SLC26A8: variants seen among roughly 807,000 people sequenced by gnomAD.
SLC26A8 encodes the protein testis anion transporter 1.
SLC26A8 carries 70 observed loss-of-function variants against 105.0 expected under a neutral mutation model. That is an observed-to-expected ratio of 0.67 (90% CI 0.55 to 0.81). SLC26A8 has a LOEUF of 0.81. SLC26A8 is among the 40% of genes least tolerant of loss of function. The pLI, the probability that SLC26A8 is intolerant of heterozygous loss-of-function variation, is 0.00. For missense variants in SLC26A8, 998 were observed against 1,181.8 expected (o/e 0.84, Z 2.28); for synonymous variants, 415 against 438.3 (o/e 0.95, Z 0.66).
chr6:36,010,881 A>G (rs1761837687), intron 3 of SLC26A8, among the ~76,000 whole-genome samples: 1 of 152,166 alleles, frequency 6.6e-6, no homozygotes. Context: ...AAAGGGGAAA[A>G]AAAGCGCCAA....
intron 10 of SLC26A8, among the ~76,000 whole-genome samples, chr6:35,973,136 T>C (rs1360332480): frequency 6.6e-6 from 1 of 152,210 alleles, no homozygotes; most frequent in African/African-American, 2.4e-5. Flanking sequence ...GCCGTGCACA[T>C]CTTGTCTCCC....
intron 19 of SLC26A8, 63 bp downstream of exon 19, chr6:35,951,100 C>CACCCCAACCCCCCCAGCCCACAA: frequency 7.3e-7 from 1 of 1,364,754 alleles, no homozygotes. Flanking sequence ...AACCACCCCT[C>CACCCCAACCCCCCCAGCCCACAA]ACCCATCCCC....
At chr6:35,956,257 C>T (rs1201680146) in intron 16 of SLC26A8, among the ~76,000 whole-genome samples, 1 of 151,082 alleles carries the variant, frequency 6.6e-6, no homozygotes, top group Non-Finnish European at 1.5e-5. Flanking sequence ...ACAGTGAGAC[C>T]CTGTCGTGCC....
chr6:36,020,611 C>T (rs929594373), intron 1 of SLC26A8, among the ~76,000 whole-genome samples: 5 of 151,744 alleles, frequency 3.3e-5, no homozygotes, highest in Non-Finnish European at 7.4e-5. Flanking sequence ...AGAGCGAGAC[C>T]CTGTCTCTAA....
rs1338097819 is a variant in SLC26A8, at chr6:35,968,579, ATATGTGTG to A, written c.1365+290_1365+297del. ...ATATAAATCTTATATATAAATATAC[ATATGTGTG>A]TATGTGTGTGTGTGTGTGTGTGTAT... is the stretch of plus-strand genomic sequence containing the variant. On this transcript the variant is annotated intron_variant, in intron 11 of 19. Transcript: ENST00000490799. 9.6e-4 allele frequency among the ~76,000 whole-genome samples: 127 copies of A among 132,632 alleles called. 3 individuals are homozygous for A. Among genetic ancestry groups the A allele is most frequent in the Middle Eastern group, 3.8e-3 (1 of 266 alleles). The allele number at this position is 132,632 out of a possible 152,430, so 87.0% of individuals were successfully genotyped here. A position where few individuals can be genotyped will look rare whatever the true frequency, so the allele number is the denominator to read the frequency against.
intron 2 of SLC26A8, among the ~76,000 whole-genome samples, chr6:36,018,829 T>C (rs1762058486): frequency 1.3e-5 from 2 of 152,230 alleles, no homozygotes; most frequent in South Asian, 2.1e-4. Context: ...TGGTAGATTC[T>C]ACCTTAGTGA....
intron 14 of SLC26A8, 179 bp downstream of exon 14, chr6:35,960,663 CA>C (rs924784404): frequency 0.042 from 18,709 of 443,328 alleles, no homozygotes; most frequent in South Asian, 0.066. Context: ...ACTCTGTCTC[CA>C]AAAAAAAAAA....
intron 8 of SLC26A8, among the ~76,000 whole-genome samples, chr6:35,980,395 G>A (rs542359130): frequency 6.4e-4 from 98 of 152,312 alleles, no homozygotes; most frequent in African/African-American, 2.2e-3. Context: ...TGCCATGGAG[G>A]AGCAATGTGC....
At chr6:35,983,077 AAC>A (rs1222509624) in intron 7 of SLC26A8, among the ~76,000 whole-genome samples, 4 of 152,204 alleles carry the variant, frequency 2.6e-5, no homozygotes, top group African/African-American at 9.7e-5. Context: ...TCTTCCTACT[AAC>A]ACATACTTCT....
Position 36,012,493 on chromosome 6 carries a change from G to C in SLC26A8, c.189-121C>G, listed in dbSNP as rs1041762621. On this transcript the variant is annotated intron_variant, in intron 2 of 19. Transcript: ENST00000490799. The stretch of plus-strand genomic sequence containing the variant: ...TAGAGTCTTGTCAGCACTAATGAGA[G>C]TTTGACATATTGGACCAGATAATTC... 4.7e-5 allele frequency: 51 copies of C among 1,087,554 alleles called. No homozygotes were observed. In the African/African-American group the frequency reaches 7.4e-4, roughly 16 times the overall value. The allele number at this position is 1,087,554 out of a possible 1,614,324, so 67.4% of individuals were successfully genotyped here. A position where few individuals can be genotyped will look rare whatever the true frequency, so the allele number is the denominator to read the frequency against.
intron 5 of SLC26A8, among the ~76,000 whole-genome samples, chr6:35,995,034 C>T (rs910876923): frequency 6.6e-6 from 1 of 152,172 alleles, no homozygotes; most frequent in African/African-American, 2.4e-5. Flanking sequence ...CCTCAGTTTC[C>T]TCATCTATAA....
At chr6:35,959,939 C>CAAAA in intron 14 of SLC26A8, 133 bp from the exon 15 acceptor site, 1 of 707,068 alleles carries the variant, frequency 1.4e-6, no homozygotes, top group Non-Finnish European at 2.2e-6. Flanking sequence ...GACAGAGTCT[C>CAAAA]ACTCTGTTGC....
intron 3 of SLC26A8, among the ~76,000 whole-genome samples, chr6:36,009,545 C>T (rs1761791576): frequency 2.0e-5 from 3 of 152,096 alleles, no homozygotes; most frequent in African/African-American, 7.2e-5. Context: ...ATATATACAA[C>T]AATCTGGATG....
At chr6:35,980,936 C>T (rs1480624751) in intron 8 of SLC26A8, among the ~76,000 whole-genome samples, 1 of 151,846 alleles carries the variant, frequency 6.6e-6, no homozygotes, top group East Asian at 1.9e-4. Context: ...CACTTGAACC[C>T]GGGAGGTGGA....
intron 6 of SLC26A8, 65 bp from the exon 7 acceptor site, chr6:35,991,873 G>A: frequency 1.4e-6 from 2 of 1,445,112 alleles, no homozygotes; most frequent in Non-Finnish European, 1.8e-6. Context: ...TCTAGAAATT[G>A]ACACTGTAGA....
At chr6:35,998,344 T>C (rs1293967399) in intron 4 of SLC26A8, among the ~76,000 whole-genome samples, 3 of 151,984 alleles carry the variant, frequency 2.0e-5, no homozygotes, top group Non-Finnish European at 4.4e-5. Flanking sequence ...TCACCTGAGA[T>C]CAGGAGTTTG....
chr6:36,003,291 A>G lies in SLC26A8; in HGVS notation c.329-3183T>C, dbSNP rs1761579352. On this transcript the variant is annotated intron_variant, in intron 3 of 19. Transcript: ENST00000490799. ...CTTTATAGAGACCCAAGTGTTTTAC[A>G]TCATTTGTCATTAACAGCCTGTCTC... 2.0e-5 allele frequency among the ~76,000 whole-genome samples: 3 copies of G among 152,222 alleles called. No homozygotes were observed. In the South Asian group the frequency reaches 6.2e-4, roughly 32 times the overall value.
intron 2 of SLC26A8, among the ~76,000 whole-genome samples, chr6:36,016,030 T>C (rs1336580635): frequency 1.3e-5 from 2 of 152,066 alleles, no homozygotes; most frequent in Admixed American, 1.3e-4. Flanking sequence ...AGTCTCATTC[T>C]GTCACCAGGC....
chr6:35,956,139 T>C (rs1772050148), intron 16 of SLC26A8, among the ~76,000 whole-genome samples: 1 of 152,126 alleles, frequency 6.6e-6, no homozygotes, highest in Admixed American at 6.6e-5. Context: ...TCAGTGAGCC[T>C]GTAGCCCCAC....
Sources: gnomAD v4.1 joint callset for allele counts (sites outside exome capture counted in the v4.1 genomes callset) on GRCh38, gnomAD v4.1.1 for gene constraint, MANE v1.5 for transcripts, NCBI Gene and HGNC (gene_info 2026-07-23, HGNC 2026-07-21) for gene names.